The following KDM2A variants were observed in gnomAD, a reference collection of about 807,000 sequenced individuals.
KDM2A encodes the protein lysine-specific demethylase 2A.
In KDM2A, 3 loss-of-function variants were observed where a neutral mutation model predicts 137.3. The ratio of observed to expected loss-of-function variants is 0.02; its 90% CI spans 0.01 to 0.06. The LOEUF is 0.06. Ranked by LOEUF, KDM2A falls within the 10% of genes least tolerant of loss-of-function variation. KDM2A has a pLI of 1.00. For synonymous variants in KDM2A, 512 were observed against 541.5 expected (o/e 0.95, Z 0.76); for missense variants, 738 against 1,510.6 (o/e 0.49, Z 8.48).
At chr11:67,210,419 G>T (rs1359294725) in intron 6 of KDM2A, among the ~76,000 whole-genome samples, 1 of 152,004 alleles carries the variant, frequency 6.6e-6, no homozygotes, top group Admixed American at 6.6e-5. Context: ...ACTTGACCTG[G>T]TCAATACTTT....
At chr11:67,138,861 C>T (rs1268938955) in intron 2 of KDM2A, among the ~76,000 whole-genome samples, 3 of 152,106 alleles carry the variant, frequency 2.0e-5, no homozygotes, top group Non-Finnish European at 4.4e-5. Flanking sequence ...GTTTGAGAAC[C>T]ATTGGAATTG....
chr11:67,184,320 T>C (rs909952037), intron 5 of KDM2A, among the ~76,000 whole-genome samples: 2 of 151,116 alleles, frequency 1.3e-5, no homozygotes, highest in Non-Finnish European at 3.0e-5. Context: ...ATGGGGAAAC[T>C]CCATCTCTAC....
chr11:67,172,606 G>A (rs185001471), intron 2 of KDM2A, among the ~76,000 whole-genome samples: 181 of 123,916 alleles, frequency 1.5e-3, no homozygotes, highest in African/African-American at 5.0e-3. Context: ...GATTTTATTA[G>A]CTCTTATAGT....
At chr11:67,174,677 A>G (rs377451762) in intron 2 of KDM2A, among the ~76,000 whole-genome samples, 8 of 152,176 alleles carry the variant, frequency 5.3e-5, no homozygotes, top group African/African-American at 1.9e-4. Context: ...GTTAATTACG[A>G]CTAAACTGGG....
chr11:67,224,541 C>T (rs1195388709), intron 10 of KDM2A, among the ~76,000 whole-genome samples: 1 of 141,866 alleles, frequency 7.0e-6, no homozygotes, highest in Non-Finnish European at 1.5e-5. Context: ...TCTCAGCTCA[C>T]TCTGCAAGCT....
At chr11:67,132,935 A>G (rs1018991227) in intron 2 of KDM2A, among the ~76,000 whole-genome samples, 1 of 152,188 alleles carries the variant, frequency 6.6e-6, no homozygotes, top group Admixed American at 6.6e-5. Context: ...ATAGGTAGAA[A>G]TGGAAAGGAA....
chr11:67,217,125 C>T (rs1283775723), intron 8 of KDM2A, among the ~76,000 whole-genome samples: 2 of 151,458 alleles, frequency 1.3e-5, no homozygotes, highest in African/African-American at 4.9e-5. Flanking sequence ...GCCTGTAGTC[C>T]CAGCAACTCT....
chr11:67,231,507 C>A, intron 11 of KDM2A, 59 bp from the exon 12 acceptor site: 1 of 1,448,922 alleles, frequency 6.9e-7, no homozygotes, highest in Non-Finnish European at 9.2e-7. Flanking sequence ...ACCTATTTCT[C>A]TTGCTGATCA....
intron 2 of KDM2A, among the ~76,000 whole-genome samples, chr11:67,168,560 AC>A (rs1856800022): frequency 1.2e-5 from 1 of 80,100 alleles, no homozygotes; most frequent in African/African-American, 4.9e-5. Flanking sequence ...ACACACACAC[AC>A]ACACAGTCTT....
At chr11:67,151,213 G>C (rs2136306645) in intron 2 of KDM2A, among the ~76,000 whole-genome samples, 1 of 152,070 alleles carries the variant, frequency 6.6e-6, no homozygotes, top group African/African-American at 2.4e-5. Context: ...TTCAGCTTTG[G>C]TTCTGCTGCT....
intron 10 of KDM2A, among the ~76,000 whole-genome samples, chr11:67,226,617 G>A (rs1858553280): frequency 6.6e-6 from 1 of 152,094 alleles, no homozygotes; most frequent in African/African-American, 2.4e-5. Context: ...AGCTACTCAG[G>A]AGGCTGAGGC....
intron 6 of KDM2A, among the ~76,000 whole-genome samples, chr11:67,214,070 C>T (rs1453475337): frequency 6.6e-6 from 1 of 151,754 alleles, no homozygotes; most frequent in African/African-American, 2.4e-5. Flanking sequence ...GACGGCGTTT[C>T]GCTCTTGTTT....
intron 2 of KDM2A, among the ~76,000 whole-genome samples, chr11:67,166,945 G>T (rs1184524378): frequency 6.6e-6 from 1 of 151,720 alleles, no homozygotes; most frequent in African/African-American, 2.4e-5. Flanking sequence ...AGGCGTGGTG[G>T]TGCACGCCTG....
intron 5 of KDM2A, among the ~76,000 whole-genome samples, chr11:67,205,522 G>A (rs936501955): frequency 6.6e-6 from 1 of 152,026 alleles, no homozygotes; most frequent in African/African-American, 2.4e-5. Context: ...CGACCTCCTG[G>A]GCTCAGGTGA....
intron 2 of KDM2A, among the ~76,000 whole-genome samples, chr11:67,170,905 G>C (rs1320494522): frequency 6.6e-6 from 1 of 152,120 alleles, no homozygotes; most frequent in Non-Finnish European, 1.5e-5. Context: ...GGTTAGGACT[G>C]TCAGCTCTAG....
At position 67,254,063 on chromosome 11, in the gene KDM2A, G is replaced by T; in HGVS notation, c.3092-140G>T. The T allele has an allele frequency of 1.5e-6, 1 of 676,920 alleles. No homozygotes were observed. Among genetic ancestry groups the T allele is most frequent in the Non-Finnish European group, 2.5e-6 (1 of 404,064 alleles). 41.9% of individuals were successfully genotyped at this position (676,920 alleles called of 1,614,324 possible). A position where few individuals can be genotyped will look rare whatever the true frequency, so the allele number is the denominator to read the frequency against. On this transcript the variant is annotated intron_variant, in intron 19 of 20. Coordinates refer to ENST00000529006, the MANE Select transcript of KDM2A (RefSeq NM_012308.3). This position sits in a 1 kb window ranked among gnomAD's most constrained non-coding sequence, Gnocchi z 4.7. ...TGCCTACACCCAGTGCTCACACCCTGAAGGCATGGCTGGGTGTGGGCAGTT... is the reference window on the plus strand; with the variant it reads ...TGCCTACACCCAGTGCTCACACCCTTAAGGCATGGCTGGGTGTGGGCAGTT...
At chr11:67,195,897 C>G in intron 5 of KDM2A, 1 of 369,928 alleles carries the variant, frequency 2.7e-6, no homozygotes, top group South Asian at 2.6e-5. Flanking sequence ...TCTCAATAGG[C>G]TCCAATAAGG....
chr11:67,198,299 C>T (rs1470943283), intron 5 of KDM2A, among the ~76,000 whole-genome samples: 1 of 151,246 alleles, frequency 6.6e-6, no homozygotes, highest in Non-Finnish European at 1.5e-5. Flanking sequence ...CATTTTATTG[C>T]ACTTTGCAGA....
In KDM2A at chr11:67,249,472, G is replaced by A. The variant is rs1859342419; in HGVS notation, c.2056-614G>A. Among the ~76,000 whole-genome samples, 5 of 152,226 alleles carry A rather than the reference G, an allele frequency of 3.3e-5. No individual in the cohort carries two copies. In the South Asian group the frequency reaches 1.0e-3, roughly 32 times the overall value. On this transcript the variant is annotated intron_variant, in intron 16 of 20. Transcript: ENST00000529006. ...ACTGATACGGTTCCTAGTGGAACAT[G>A]TTTACTGGGCTTTGTCATAGCATAG...
Sources: gnomAD v4.1 joint callset for allele counts (sites outside exome capture counted in the v4.1 genomes callset) on GRCh38, gnomAD v4.1.1 for gene constraint, Gnocchi (gnomAD v3.1) non-coding constraint, MANE v1.5 for transcripts, NCBI Gene and HGNC (gene_info 2026-07-23, HGNC 2026-07-21) for gene names.